Variants in GHR observed in about 807,000 individuals in gnomAD.
The protein encoded by GHR is growth hormone receptor.
A neutral mutation model predicts 67.1 loss-of-function variants in GHR; 35 were observed. The observed-to-expected ratio is 0.52, with a 90% CI of 0.40 to 0.69. GHR has a LOEUF of 0.69. GHR is among the 30% of genes least tolerant of loss of function. The probability of loss-of-function intolerance (pLI) is 0.00; values close to 1 mark genes in which losing one functional copy is unlikely to be tolerated. For missense variants in GHR, 792 were observed against 764.6 expected, an observed-to-expected ratio of 1.04 and a Z score of -0.42; for synonymous variants, 272 against 269.1, an observed-to-expected ratio of 1.01 and a Z score of -0.10.
At chr5:42,526,979 G>A (rs763572279) in intron 1 of GHR, among the ~76,000 whole-genome samples, 22 of 151,946 alleles carry the variant, frequency 1.4e-4, no homozygotes, top group Non-Finnish European at 3.1e-4. Flanking sequence ...ATATCCAGCT[G>A]AACTAAGTTT....
intron 1 of GHR, among the ~76,000 whole-genome samples, chr5:42,546,704 T>C (rs143564210): frequency 1.4e-3 from 217 of 152,302 alleles, no homozygotes; most frequent in African/African-American, 4.8e-3. Flanking sequence ...ATGATAATTA[T>C]GTTTCAAAGC....
intron 1 of GHR, among the ~76,000 whole-genome samples, chr5:42,555,347 C>G (rs1215612159): frequency 2.0e-5 from 3 of 152,132 alleles, no homozygotes; most frequent in Non-Finnish European, 4.4e-5. Flanking sequence ...TTGACAGGCC[C>G]TATGCACTGA....
At chr5:42,699,709 A>G in intron 5 of GHR, 115 bp from the exon 6 acceptor site, 3 of 763,468 alleles carry the variant, frequency 3.9e-6, no homozygotes, top group Non-Finnish European at 7.2e-6. Flanking sequence ...ATTGGAAGAA[A>G]TAAGAGCATG....
rs796306144 is a variant in GHR, at chr5:42,559,407, G to T, written c.-11-6457G>T. ...AACAAATAAATAAAAATAGCTAGGTGTGTTGGCACATGCCTATGGTACAAG... is the reference window on the plus strand; with the variant it reads ...AACAAATAAATAAAAATAGCTAGGTTTGTTGGCACATGCCTATGGTACAAG... On this transcript the variant is annotated intron_variant, in intron 1 of 9. Transcript: ENST00000230882. Among the ~76,000 whole-genome samples the T allele has an allele frequency of 1.4e-4, 22 of 152,282 alleles. No homozygotes were observed. In the East Asian group the frequency reaches 4.2e-3, roughly 29 times the overall value.
chr5:42,718,662 A>T lies in GHR; in HGVS notation c.1155A>T (p.Gly385=), dbSNP rs753180851. Residue 385 remains glycine, a synonymous_variant, in exon 10 of 10, where the codon GGA becomes GGT. Coordinates refer to ENST00000230882, the MANE Select transcript of GHR (RefSeq NM_000163.5). ...SNLGVKDGDS[G]RTSCCEPDIL... is the part of the protein sequence containing the mutation. ...TAGGGGTGAAGGATGGCGACTCTGGACGTACCAGCTGTTGTGAACCTGACA... is the reference window on the plus strand; with the variant it reads ...TAGGGGTGAAGGATGGCGACTCTGGTCGTACCAGCTGTTGTGAACCTGACA... The T allele has an allele frequency of 1.2e-6, 2 of 1,614,196 alleles. No homozygotes were observed. The highest frequency in any genetic ancestry group is 2.2e-5 in the South Asian group (2 of 91,078).
intron 1 of GHR, among the ~76,000 whole-genome samples, chr5:42,493,273 A>C (rs903829152): frequency 1.3e-5 from 2 of 152,190 alleles, no homozygotes; most frequent in Admixed American, 1.3e-4. Flanking sequence ...TTTCTGTAGA[A>C]TGGAGAAGGA....
intron 3 of GHR, among the ~76,000 whole-genome samples, chr5:42,671,820 GGGGC>G (rs1369175086): frequency 6.6e-6 from 1 of 151,730 alleles, no homozygotes; most frequent in African/African-American, 2.4e-5. Flanking sequence ...GCCGGGCGTA[GGGGC>G]GGGCGCCTGT....
intron 1 of GHR, chr5:42,468,698 C>G (rs1175337580): frequency 1.0e-6 from 1 of 981,034 alleles, no homozygotes; most frequent in Non-Finnish European, 1.6e-6. Context: ...TGGTCTGGGT[C>G]GCAGCCTGAG....
intron 1 of GHR, among the ~76,000 whole-genome samples, chr5:42,463,203 T>G (rs1435201404): frequency 6.6e-6 from 1 of 152,180 alleles, no homozygotes; most frequent in Non-Finnish European, 1.5e-5. Flanking sequence ...GAAATATAAT[T>G]TAATAAGCAG....
intron 6 of GHR, among the ~76,000 whole-genome samples, chr5:42,709,152 C>T (rs1758328470): frequency 6.6e-6 from 1 of 151,914 alleles, no homozygotes; most frequent in Admixed American, 6.6e-5. Context: ...TTTTTCTCCC[C>T]CCCACAGGAT....
At chr5:42,550,906 C>G (rs958214643) in intron 1 of GHR, among the ~76,000 whole-genome samples, 2 of 152,174 alleles carry the variant, frequency 1.3e-5, no homozygotes, top group African/African-American at 4.8e-5. Flanking sequence ...AGGTTATGTT[C>G]TGCTGCCCAA....
chr5:42,456,597 G>C (rs1480109582), intron 1 of GHR, among the ~76,000 whole-genome samples: 2 of 152,154 alleles, frequency 1.3e-5, no homozygotes, highest in East Asian at 3.9e-4. Flanking sequence ...TTTCTGAGTG[G>C]TAAAAATTAA....
intron 3 of GHR, among the ~76,000 whole-genome samples, chr5:42,643,098 A>T (rs6886047): frequency 0.3 from 45,661 of 152,026 alleles, 7,796 homozygotes; most frequent in African/African-American, 0.46. Flanking sequence ...ACTTGGGCAT[A>T]TCTTTGGAGG....
At chr5:42,667,074 A>C (rs1404388261) in intron 3 of GHR, among the ~76,000 whole-genome samples, 1 of 152,118 alleles carries the variant, frequency 6.6e-6, no homozygotes. Flanking sequence ...ACTAACTTCC[A>C]TGACTACCAC....
chr5:42,684,380 A>G (rs544780294), intron 3 of GHR, among the ~76,000 whole-genome samples: 1 of 152,232 alleles, frequency 6.6e-6, no homozygotes, highest in East Asian at 1.9e-4. Context: ...ACGAACAGTT[A>G]GAATGTGAAA....
chr5:42,525,827 C>T (rs148045357), intron 1 of GHR, among the ~76,000 whole-genome samples: 3,028 of 152,224 alleles, frequency 0.02, 41 homozygotes, highest in Middle Eastern at 0.034. Context: ...TTTCTGCTTT[C>T]GCTTCTTCCT....
chr5:42,614,292 GT>G (rs1301797251), intron 2 of GHR, among the ~76,000 whole-genome samples: 1 of 152,058 alleles, frequency 6.6e-6, no homozygotes, highest in Admixed American at 6.5e-5. Context: ...ATTCATCTAG[GT>G]TTTTTTCAGG....
intron 1 of GHR, among the ~76,000 whole-genome samples, chr5:42,480,183 G>A (rs987363501): frequency 6.6e-6 from 1 of 152,188 alleles, no homozygotes; most frequent in African/African-American, 2.4e-5. Flanking sequence ...CAGTTTCCAT[G>A]TAGTAGAGCG....
chr5:42,459,626 CTA>C (rs1235542346), intron 1 of GHR, among the ~76,000 whole-genome samples: 5 of 151,814 alleles, frequency 3.3e-5, no homozygotes, highest in African/African-American at 1.2e-4. Flanking sequence ...TGCCATTTAC[CTA>C]TGTAACAAAC....
Sources: gnomAD v4.1 joint callset for allele counts (sites outside exome capture counted in the v4.1 genomes callset) on GRCh38, gnomAD v4.1.1 for gene constraint, MANE v1.5 for transcripts, NCBI Gene and HGNC (gene_info 2026-07-23, HGNC 2026-07-21) for gene names.